SLC38A1: variants seen among roughly 807,000 people sequenced by gnomAD.
The protein encoded by SLC38A1 is sodium-coupled neutral amino acid symporter 1.
Under a neutral mutation model 60.3 loss-of-function variants are expected in SLC38A1, and 18 were observed. The observed-to-expected ratio is 0.30, with a 90% CI of 0.21 to 0.44. The LOEUF (loss-of-function observed/expected upper bound fraction) is 0.44. SLC38A1 is among the 20% of genes least tolerant of loss of function. The pLI is 1.00. For missense variants in SLC38A1, 448 were observed against 587.2 expected, an observed-to-expected ratio of 0.76 and a Z score of 2.45; for synonymous variants, 196 against 212.1, an observed-to-expected ratio of 0.92 and a Z score of 0.66.
chr12:46,226,617 C>CTTTTTTTTTTTTTTTTTT (rs199599486), intron 5 of SLC38A1, among the ~76,000 whole-genome samples: 1 of 122,982 alleles, frequency 8.1e-6, no homozygotes, highest in African/African-American at 2.9e-5. Flanking sequence ...CATGGATTTC[C>CTTTTTTTTTTTTTTTTTT]TTTTTTTTTT....
At chr12:46,233,169 C>T (rs537047785) in intron 3 of SLC38A1, among the ~76,000 whole-genome samples, 1 of 152,210 alleles carries the variant, frequency 6.6e-6, no homozygotes, top group South Asian at 2.1e-4. Flanking sequence ...CGGGCACACA[C>T]CACCACACCC....
At position 46,268,172 on chromosome 12, in the gene SLC38A1, C is replaced by T. The variant is rs1942423446; in HGVS notation, c.-209+354G>A. ...GGGTCAGCTGCGCTCTCCCTCCAGA[C>T]GTGCGTGGTTCCTGGCTCTCGTAAA... On this transcript the variant is annotated intron_variant, in intron 1 of 16. Transcript: ENST00000398637. The surrounding 1 kb of genome is among the most constrained non-coding windows in gnomAD (Gnocchi z 4.4). Among the ~76,000 whole-genome samples, 1 of 152,336 alleles carries T rather than the reference C, an allele frequency of 6.6e-6. No homozygotes were observed. Among genetic ancestry groups the T allele is most frequent in the African/African-American group, 2.4e-5 (1 of 41,570 alleles).
At chr12:46,234,447 T>TA (rs58418278) in intron 3 of SLC38A1, among the ~76,000 whole-genome samples, 2 of 97,360 alleles carry the variant, frequency 2.1e-5, no homozygotes, top group East Asian at 9.4e-4. Context: ...TCTTTCTTTC[T>TA]TTTTTTTTTT....
At chr12:46,216,725 C>T (rs117308781) in intron 5 of SLC38A1, among the ~76,000 whole-genome samples, 3,784 of 152,124 alleles carry the variant, frequency 0.025, 117 homozygotes, top group Non-Finnish European at 0.032. Flanking sequence ...CTGGGCATAG[C>T]GGCGTATGCC....
intron 1 of SLC38A1, among the ~76,000 whole-genome samples, chr12:46,253,247 T>C (rs571368480): frequency 6.6e-6 from 1 of 152,282 alleles, no homozygotes; most frequent in South Asian, 2.1e-4. Context: ...AAAAGAGGGT[T>C]CTTGGATCTC....
chr12:46,201,050 A>G lies in SLC38A1; in HGVS notation c.1003+48T>C, dbSNP rs373864562. On this transcript the variant is annotated intron_variant, in intron 13 of 16. Transcript: ENST00000398637. ...AGTTATTTCAACACTAATTTTTACT[A>G]ATTTGTTTACAAATATTTATATTTA... 3.6e-5 allele frequency: 47 copies of G among 1,307,956 alleles called. No individual in the cohort carries two copies. In the African/African-American group the frequency reaches 5.1e-4, roughly 14 times the overall value. The allele number at this position is 1,307,956 out of a possible 1,614,324, so 81.0% of individuals were successfully genotyped here. A position where few individuals can be genotyped will look rare whatever the true frequency, so the allele number is the denominator to read the frequency against.
intron 5 of SLC38A1, among the ~76,000 whole-genome samples, chr12:46,220,959 T>C (rs148799983): frequency 2.6e-5 from 4 of 152,264 alleles, no homozygotes; most frequent in African/African-American, 9.6e-5. Context: ...GGTCTATACT[T>C]TTACTTCTAT....
Position 46,229,618 on chromosome 12 carries a change from T to A in SLC38A1, c.144A>T (p.Glu48Asp). The A allele has an allele frequency of 6.2e-7, 1 of 1,613,702 alleles. No individual in the cohort carries two copies. The highest frequency in any genetic ancestry group is 8.5e-7 in the Non-Finnish European group (1 of 1,179,818). ...GGCTGTTTGTGAGACTTCTTCTACT[T>A]TCACGATCAGAAATAAACTTGCTGT... ...QINSKFISDR[E>D]SRRSLTNSHL... The change falls in exon 4 of 17, where the codon GAA (glutamate) becomes GAT (aspartate). Residue 48 changes from glutamate to aspartate, a missense_variant. Around this residue, in one of 2 missense-constraint regions of SLC38A1, gnomAD observed 102 missense variants for 89.7 expected, o/e 1.14. Coordinates refer to ENST00000398637, the MANE Select transcript of SLC38A1 (RefSeq NM_030674.4).
At chr12:46,210,675 A>AATAAGTCTC (rs2137304900) in intron 5 of SLC38A1, among the ~76,000 whole-genome samples, 1 of 152,216 alleles carries the variant, frequency 6.6e-6, no homozygotes, top group Non-Finnish European at 1.5e-5. Flanking sequence ...TGTGGTAGTG[A>AATAAGTCTC]ATAAGTCTCA....
intron 1 of SLC38A1, among the ~76,000 whole-genome samples, chr12:46,249,800 T>C (rs766350410): frequency 6.6e-6 from 1 of 152,178 alleles, no homozygotes. Context: ...AGAAGTGGAA[T>C]CTCTGAATAG....
At chr12:46,252,812 G>A (rs1321755147) in intron 1 of SLC38A1, among the ~76,000 whole-genome samples, 5 of 151,820 alleles carry the variant, frequency 3.3e-5, no homozygotes, top group Admixed American at 1.3e-4. Flanking sequence ...AAGTGCCCAT[G>A]GATGTGAATG....
chr12:46,248,890 C>A (rs930067307), intron 1 of SLC38A1, among the ~76,000 whole-genome samples: 1 of 152,134 alleles, frequency 6.6e-6, no homozygotes, highest in Non-Finnish European at 1.5e-5. Flanking sequence ...GGTGCGATGG[C>A]TCACGCCTGT....
rs774147041 is a variant in SLC38A1, at chr12:46,207,216, T to C, written c.502A>G (p.Ile168Val). ...NTGAMLSYLF[I>V]VKNELPSAIK... ...GCAGAGGGTAGTTCATTTTTTACGA[T>C]GAAGAGGTAGCTCAGCATTGCTGAA... is the stretch of plus-strand genomic sequence containing the variant. Residue 168 changes from isoleucine to valine, a missense_variant, in exon 8 of 17, where the codon ATC becomes GTC. Around this residue, in one of 2 missense-constraint regions of SLC38A1, gnomAD observed 346 missense variants for 497.5 expected, o/e 0.70. Coordinates refer to ENST00000398637, the MANE Select transcript of SLC38A1 (RefSeq NM_030674.4). The C allele has an allele frequency of 3.7e-6, 6 of 1,613,032 alleles. No homozygotes were observed. The South Asian group carries it at 6.6e-5, about 18-fold the overall frequency.
Position 46,238,314 on chromosome 12 carries a change from T to C in SLC38A1, c.122+1365A>G, listed in dbSNP as rs936053479. ...GAGGAAAAGTGTCTGAGTTGGGGACTTAACCTCTTAAGAACATTTAAAGGA... is the reference window on the plus strand; with the variant it reads ...GAGGAAAAGTGTCTGAGTTGGGGACCTAACCTCTTAAGAACATTTAAAGGA... On this transcript the variant is annotated intron_variant, in intron 3 of 16. Transcript: ENST00000398637. Among the ~76,000 whole-genome samples the C allele has an allele frequency of 5.9e-5, 9 of 152,308 alleles. No individual in the cohort carries two copies. The East Asian group carries it at 1.7e-3, about 29-fold the overall frequency.
At chr12:46,237,545 C>G (rs1941302844) in intron 3 of SLC38A1, among the ~76,000 whole-genome samples, 1 of 151,784 alleles carries the variant, frequency 6.6e-6, no homozygotes, top group Non-Finnish European at 1.5e-5. Context: ...GAACCAAAAG[C>G]CAACAGACCT....
chr12:46,234,927 A>T (rs544428133), intron 3 of SLC38A1, among the ~76,000 whole-genome samples: 1 of 152,328 alleles, frequency 6.6e-6, no homozygotes, highest in South Asian at 2.1e-4. Flanking sequence ...GCTATGGAAG[A>T]AGGTGCCTTT....
In SLC38A1 at chr12:46,197,745, C is replaced by A; in HGVS notation, c.1337G>T (p.Gly446Val). ...SLYLKITDQDGDKGTQRIWAA... is the reference protein window; with the variant it reads ...SLYLKITDQDVDKGTQRIWAA... ...CCAAATTCTTTGAGTTCCTTTATCTCCATCCTGGTCTGTGATTTTTAAATA... is the reference window on the plus strand; with the variant it reads ...CCAAATTCTTTGAGTTCCTTTATCTACATCCTGGTCTGTGATTTTTAAATA... The change falls in exon 16 of 17, where the codon GGA (glycine) becomes GTA (valine). Residue 446 changes from glycine to valine, a missense_variant. Around this residue, in one of 2 missense-constraint regions of SLC38A1, gnomAD observed 346 missense variants for 497.5 expected, o/e 0.70. Transcript: ENST00000398637. 6.3e-7 allele frequency: 1 copy of A among 1,599,974 alleles called. No homozygotes were observed. The highest frequency in any genetic ancestry group is 8.5e-7 in the Non-Finnish European group (1 of 1,175,860).
chr12:46,248,566 C>T (rs886565003), intron 1 of SLC38A1, among the ~76,000 whole-genome samples: 1 of 152,058 alleles, frequency 6.6e-6, no homozygotes, highest in African/African-American at 2.4e-5. Context: ...ACTTAGACTC[C>T]CACACAATAA....
Position 46,206,069 on chromosome 12 carries a change from T to A in SLC38A1, c.646+11A>T, listed in dbSNP as rs1303602528. ...ACTGCAGAATATGATAAAAGCAAAA[T>A]CTGTCCTTACCTAAGTTCTTCAAGA... On this transcript the variant is annotated intron_variant, in intron 9 of 16. Transcript: ENST00000398637. 3 of 1,590,510 alleles carry A rather than the reference T, an allele frequency of 1.9e-6. No individual in the cohort carries two copies. Among genetic ancestry groups the A allele is most frequent in the Non-Finnish European group, 2.6e-6 (3 of 1,161,914 alleles).
Sources: allele counts gnomAD v4.1 joint callset (sites outside exome capture counted in the v4.1 genomes callset), GRCh38; gene constraint gnomAD v4.1.1; regional missense constraint gnomAD v4.1.1; non-coding constraint Gnocchi (gnomAD v3.1); transcripts MANE v1.5; gene names NCBI Gene and HGNC (gene_info 2026-07-23, HGNC 2026-07-21).